NELL1: variants seen among roughly 807,000 people sequenced by gnomAD.
The protein encoded by NELL1 is protein kinase C-binding protein NELL1.
NELL1 carries 76 observed loss-of-function variants against 107.4 expected under a neutral mutation model. That is an observed-to-expected ratio of 0.71 (90% CI 0.59 to 0.86). NELL1 has a LOEUF of 0.86. Ranked by LOEUF, NELL1 falls within the 40% of genes least tolerant of loss-of-function variation. NELL1 has a pLI of 0.00. For synonymous variants in NELL1, 353 were observed against 341.2 expected (o/e 1.03, Z -0.38); for missense variants, 1,024 against 1,005.5 (o/e 1.02, Z -0.25).
Position 20,826,263 on chromosome 11 carries a change from G to A in NELL1, c.336-21320G>A, listed in dbSNP as rs867614205. On this transcript the variant is annotated intron_variant, in intron 3 of 19. Transcript: ENST00000357134. Reference sequence around the variant, plus strand: ...ACAACTTTACAGGACCGAGAAACTAGGTTCTTCTATATTATGGCCCTCTGC... The same window carrying A: ...ACAACTTTACAGGACCGAGAAACTAAGTTCTTCTATATTATGGCCCTCTGC... 2.0e-5 allele frequency among the ~76,000 whole-genome samples: 3 copies of A among 151,218 alleles called. No homozygotes were observed. The South Asian group carries it at 6.2e-4, about 31-fold the overall frequency.
In NELL1 at chr11:20,806,174, T is replaced by C. The variant is rs115250883; in HGVS notation, c.335+22344T>C. Among the ~76,000 whole-genome samples, 303 of 151,864 alleles carry C rather than the reference T, an allele frequency of 2.0e-3. 3 individuals are homozygous for C. The highest frequency in any genetic ancestry group is 7.1e-3 in the African/African-American group (295 of 41,380). On this transcript the variant is annotated intron_variant, in intron 3 of 19. Transcript: ENST00000357134. ...GAAGAACTCCCTTTAGCATTTCTTA[T>C]AGGACAGTTCTGGTGCTTATGAAGT... is the stretch of plus-strand genomic sequence containing the variant.
intron 14 of NELL1, among the ~76,000 whole-genome samples, chr11:21,334,986 T>G (rs1336095445): frequency 6.6e-6 from 1 of 152,084 alleles, no homozygotes; most frequent in East Asian, 1.9e-4. Flanking sequence ...AAAAAAAATC[T>G]CTTTGCGTCA....
In NELL1 at chr11:20,915,717, AT is replaced by A. The variant is rs67447563; in HGVS notation, c.604-2447del. Among the ~76,000 whole-genome samples the A allele has an allele frequency of 6.7e-3, 388 of 58,222 alleles. 15 individuals carry two copies. Among genetic ancestry groups the A allele is most frequent in the African/African-American group, 0.026 (297 of 11,326 alleles). The allele number at this position is 58,222 out of a possible 152,430, so 38.2% of individuals were successfully genotyped here. On this transcript the variant is annotated intron_variant, in intron 5 of 19. Transcript: ENST00000357134. Reference sequence around the variant, plus strand: ...TCATAGATGATATATATATATATATATTTTTTTTTTTTTTTTTTGAGAGGAA... The same window carrying A: ...TCATAGATGATATATATATATATATATTTTTTTTTTTTTTTTTGAGAGGAA...
At chr11:20,701,611 A>G (rs561237981) in intron 2 of NELL1, among the ~76,000 whole-genome samples, 51 of 152,160 alleles carry the variant, frequency 3.4e-4, no homozygotes, top group African/African-American at 8.9e-4. Flanking sequence ...GGTGATGCAT[A>G]GGTTTTCTTC....
chr11:20,703,161 C>T (rs556478788), intron 2 of NELL1, among the ~76,000 whole-genome samples: 11 of 152,024 alleles, frequency 7.2e-5, no homozygotes, highest in Non-Finnish European at 1.2e-4. Flanking sequence ...TAGGCTATTA[C>T]TTATTGCCTC....
intron 4 of NELL1, among the ~76,000 whole-genome samples, chr11:20,863,858 C>A (rs7937494): frequency 0.06 from 9,139 of 152,294 alleles, 894 homozygotes; most frequent in African/African-American, 0.21. Flanking sequence ...GCAATCCCGG[C>A]ACCTCAGGAG....
intron 12 of NELL1, among the ~76,000 whole-genome samples, chr11:21,016,120 A>G (rs1852559404): frequency 6.6e-6 from 1 of 152,102 alleles, no homozygotes; most frequent in African/African-American, 2.4e-5. Flanking sequence ...GATAACGAAT[A>G]TATCCGAAGC....
intron 14 of NELL1, among the ~76,000 whole-genome samples, chr11:21,264,829 TTTCA>T (rs1303099322): frequency 1.3e-5 from 2 of 151,876 alleles, no homozygotes. Flanking sequence ...TCATGTATCC[TTTCA>T]TTATTAGCAC....
intron 12 of NELL1, among the ~76,000 whole-genome samples, chr11:21,101,163 T>A (rs1854799811): frequency 6.6e-6 from 1 of 152,190 alleles, no homozygotes; most frequent in African/African-American, 2.4e-5. Context: ...ACAAAGGACA[T>A]GAACTCGTCA....
At chr11:20,681,110 G>T (rs989205736) in intron 2 of NELL1, among the ~76,000 whole-genome samples, 3 of 152,132 alleles carry the variant, frequency 2.0e-5, no homozygotes, top group Non-Finnish European at 4.4e-5. Context: ...CCACAACGTG[G>T]CTCTAGAGCA....
At chr11:20,941,057 T>G (rs577707064) in intron 10 of NELL1, among the ~76,000 whole-genome samples, 6 of 152,224 alleles carry the variant, frequency 3.9e-5, no homozygotes, top group African/African-American at 1.4e-4. Flanking sequence ...GAGAATTGCT[T>G]GAACCCGGGA....
intron 2 of NELL1, among the ~76,000 whole-genome samples, chr11:20,684,841 C>T (rs1188885931): frequency 6.6e-6 from 1 of 152,080 alleles, no homozygotes; most frequent in African/African-American, 2.4e-5. Flanking sequence ...CAAGATCCTT[C>T]AGCGTACTCT....
At chr11:21,486,513 G>A (rs935501977) in intron 15 of NELL1, among the ~76,000 whole-genome samples, 4 of 152,098 alleles carry the variant, frequency 2.6e-5, no homozygotes, top group African/African-American at 9.7e-5. Flanking sequence ...AAAAATAGAA[G>A]TGACTGTTAT....
intron 2 of NELL1, among the ~76,000 whole-genome samples, chr11:20,707,840 C>T (rs535163256): frequency 6.6e-6 from 1 of 152,304 alleles, no homozygotes; most frequent in East Asian, 1.9e-4. Flanking sequence ...ATCTCAAACT[C>T]CATGCTGGGA....
intron 12 of NELL1, among the ~76,000 whole-genome samples, chr11:20,977,698 A>G (rs973063674): frequency 8.5e-5 from 13 of 152,346 alleles, no homozygotes; most frequent in African/African-American, 2.9e-4. Flanking sequence ...AAGATGTCAG[A>G]GATTTTTGTC....
At chr11:20,817,635 C>A (rs867046326) in intron 3 of NELL1, among the ~76,000 whole-genome samples, 29 of 151,574 alleles carry the variant, frequency 1.9e-4, no homozygotes, top group African/African-American at 7.0e-4. Flanking sequence ...TCTCAATTTC[C>A]TTTAGTTCTC....
intron 9 of NELL1, among the ~76,000 whole-genome samples, chr11:20,932,914 T>G (rs1029537243): frequency 1.3e-5 from 2 of 152,216 alleles, no homozygotes; most frequent in Non-Finnish European, 2.9e-5. Flanking sequence ...AATGTACATA[T>G]GTATGTGTGT....
chr11:21,016,178 G>A (rs892802875), intron 12 of NELL1, among the ~76,000 whole-genome samples: 2 of 152,056 alleles, frequency 1.3e-5, no homozygotes, highest in East Asian at 1.9e-4. Context: ...GGATCATTCA[G>A]GGCAAGGTGA....
intron 5 of NELL1, among the ~76,000 whole-genome samples, chr11:20,900,469 C>A (rs1021135338): frequency 6.6e-6 from 1 of 152,130 alleles, no homozygotes; most frequent in African/African-American, 2.4e-5. Context: ...ATCATTCTGG[C>A]AGTCTACCAT....
Sources: gnomAD v4.1 joint callset for allele counts (sites outside exome capture counted in the v4.1 genomes callset) on GRCh38, gnomAD v4.1.1 for gene constraint, MANE v1.5 for transcripts, NCBI Gene and HGNC (gene_info 2026-07-23, HGNC 2026-07-21) for gene names.